TMTC3: variants seen among roughly 807,000 people sequenced by gnomAD.
TMTC3 encodes the protein protein O-mannosyl-transferase TMTC3.
Under a neutral mutation model 92.2 loss-of-function variants are expected in TMTC3, and 52 were observed. The ratio of observed to expected loss-of-function variants is 0.56; its 90% CI spans 0.45 to 0.71. The LOEUF (loss-of-function observed/expected upper bound fraction) is 0.71, where lower values mean the gene tolerates loss of function less well. TMTC3 is among the 30% of genes least tolerant of loss of function. The pLI, the probability that TMTC3 is intolerant of heterozygous loss-of-function variation, is 0.00. For synonymous variants in TMTC3, 339 were observed against 363.3 expected, an observed-to-expected ratio of 0.93 and a Z score of 0.76; for missense variants, 896 against 1,057.1, an observed-to-expected ratio of 0.85 and a Z score of 2.11.
intron 12 of TMTC3, 75 bp downstream of exon 12, chr12:88,190,697 GT>G (rs1008130426): frequency 1.3e-5 from 19 of 1,442,410 alleles, no homozygotes; most frequent in Middle Eastern, 1.8e-4. Flanking sequence ...GAATGAATTG[GT>G]TTTTTTTGAA....
At chr12:88,161,988 A>G (rs1592730826) in intron 6 of TMTC3, among the ~76,000 whole-genome samples, 1 of 152,110 alleles carries the variant, frequency 6.6e-6, no homozygotes, top group South Asian at 2.1e-4. Flanking sequence ...CACCATTTCC[A>G]GTGTTCTTTA....
At chr12:88,192,922 TTATG>T in intron 13 of TMTC3, 92 bp downstream of exon 13, 1 of 1,029,490 alleles carries the variant, frequency 9.7e-7, no homozygotes, top group South Asian at 1.8e-5. Context: ...AGCAAACACT[TTATG>T]TATTGACAGT....
At position 88,172,870 on chromosome 12, in the gene TMTC3, A is replaced by G. The variant is rs955959830; in HGVS notation, c.1199+125A>G. The G allele has an allele frequency of 9.4e-6, 14 of 1,493,984 alleles. No homozygotes were observed. In the East Asian group the frequency reaches 3.3e-4, roughly 35 times the overall value. The allele number at this position is 1,493,984 out of a possible 1,614,324, so 92.5% of individuals were successfully genotyped here. ...GTATCTTTTGGTTTTTCATCTCCAT[A>G]GTCTCCTCATTTGTCTTGTAAGTCA... On this transcript the variant is annotated intron_variant, in intron 8 of 13. Transcript: ENST00000266712.
intron 4 of TMTC3, among the ~76,000 whole-genome samples, chr12:88,155,261 C>T (rs962494915): frequency 2.0e-5 from 3 of 152,196 alleles, no homozygotes; most frequent in Non-Finnish European, 2.9e-5. Flanking sequence ...ACACATCAGG[C>T]AAATTAACCT....
chr12:88,184,315 G>A (rs1478789651), intron 10 of TMTC3, among the ~76,000 whole-genome samples: 4 of 152,142 alleles, frequency 2.6e-5, no homozygotes, highest in African/African-American at 9.7e-5. Flanking sequence ...ATAATCAAAG[G>A]TTGATTTCTA....
intron 11 of TMTC3, among the ~76,000 whole-genome samples, chr12:88,189,542 A>T (rs1264210467): frequency 6.6e-6 from 1 of 152,204 alleles, no homozygotes; most frequent in African/African-American, 2.4e-5. Context: ...TTAAGCATAC[A>T]GTTCAACATT....
At chr12:88,154,230 T>C (rs2040979037) in intron 3 of TMTC3, 58 bp from the exon 4 acceptor site, 2 of 1,174,602 alleles carry the variant, frequency 1.7e-6, no homozygotes, top group South Asian at 2.7e-5. Context: ...CCATTATATA[T>C]AGTAATTTTT....
At chr12:88,191,362 C>T (rs2041440560) in intron 12 of TMTC3, among the ~76,000 whole-genome samples, 1 of 151,996 alleles carries the variant, frequency 6.6e-6, no homozygotes, top group Non-Finnish European at 1.5e-5. Context: ...ATTCAACAAT[C>T]TCTACATTAA....
chr12:88,165,746 ACAGTTACT>A (rs1424387689), intron 6 of TMTC3, among the ~76,000 whole-genome samples: 1 of 152,158 alleles, frequency 6.6e-6, no homozygotes, highest in African/African-American at 2.4e-5. Context: ...ACAGGCCTAC[ACAGTTACT>A]ACTTTGTACT....
chr12:88,152,054 A>G (rs1287347048), intron 2 of TMTC3, among the ~76,000 whole-genome samples: 1 of 152,206 alleles, frequency 6.6e-6, no homozygotes, highest in Non-Finnish European at 1.5e-5. Flanking sequence ...AGTTACAGCA[A>G]AATATGATAG....
chr12:88,187,993 A>G (rs1432778537), intron 10 of TMTC3, among the ~76,000 whole-genome samples: 5 of 152,022 alleles, frequency 3.3e-5, no homozygotes, highest in Admixed American at 1.3e-4. Flanking sequence ...TTTTTTTCCT[A>G]TCCCTGAATA....
intron 5 of TMTC3, 126 bp downstream of exon 5, chr12:88,160,355 AC>A: frequency 1.7e-6 from 1 of 594,038 alleles, no homozygotes; most frequent in Non-Finnish European, 2.7e-6. Flanking sequence ...CAATAATAAT[AC>A]CAGAAATCAT....
intron 10 of TMTC3, among the ~76,000 whole-genome samples, chr12:88,185,452 G>A (rs1015588557): frequency 3.3e-5 from 5 of 151,498 alleles, no homozygotes; most frequent in African/African-American, 9.7e-5. Flanking sequence ...ATTCCTTCAC[G>A]TAGATATACC....
intron 7 of TMTC3, among the ~76,000 whole-genome samples, chr12:88,169,247 G>A (rs1427549558): frequency 6.6e-6 from 1 of 152,066 alleles, no homozygotes; most frequent in Non-Finnish European, 1.5e-5. Flanking sequence ...TCAGCTTTGG[G>A]ACTTTCTCTA....
At chr12:88,177,891 T>G (rs973215897) in intron 10 of TMTC3, among the ~76,000 whole-genome samples, 1 of 152,208 alleles carries the variant, frequency 6.6e-6, no homozygotes, top group African/African-American at 2.4e-5. Flanking sequence ...ATTCAAAGAT[T>G]AATATCTATA....
At chr12:88,161,965 A>G (rs893112025) in intron 6 of TMTC3, among the ~76,000 whole-genome samples, 1 of 152,056 alleles carries the variant, frequency 6.6e-6, no homozygotes, top group African/African-American at 2.4e-5. Context: ...AGTATTTTAC[A>G]TTAACCATGA....
At chr12:88,168,004 T>G (rs559056630) in intron 7 of TMTC3, among the ~76,000 whole-genome samples, 1 of 152,264 alleles carries the variant, frequency 6.6e-6, no homozygotes, top group Admixed American at 6.5e-5. Context: ...AATGGAAGCC[T>G]TAGGGTATTT....
At position 88,197,050 on chromosome 12, in the gene TMTC3, C is replaced by T. The variant is rs1200680852; in HGVS notation, c.*1401C>T. On this transcript the variant is annotated 3_prime_UTR_variant, in exon 14 of 14. Coordinates refer to ENST00000266712, the MANE Select transcript of TMTC3 (RefSeq NM_181783.4). ...CTAATTTAAAATATGAAAGCTCTGG[C>T]TATCATCCTGGGATAGTAATTTCTA... is the stretch of plus-strand genomic sequence containing the variant. 1 of 151,882 alleles carries T rather than the reference C, an allele frequency of 6.6e-6. No individual in the cohort carries two copies. Among genetic ancestry groups the T allele is most frequent in the Non-Finnish European group, 1.5e-5 (1 of 67,750 alleles). The allele number at this position is 151,882 out of a possible 1,614,324, so 9.4% of individuals were successfully genotyped here.
chr12:88,166,692 C>T, intron 7 of TMTC3, 110 bp downstream of exon 7: 2 of 1,183,464 alleles, frequency 1.7e-6, no homozygotes, highest in Admixed American at 6.0e-5. Context: ...TTTCTTTGTT[C>T]AACGGCATCC....
Sources: gnomAD v4.1 joint callset for allele counts (sites outside exome capture counted in the v4.1 genomes callset) on GRCh38, gnomAD v4.1.1 for gene constraint, MANE v1.5 for transcripts, NCBI Gene and HGNC (gene_info 2026-07-23, HGNC 2026-07-21) for gene names.